AP3B1: variants seen among roughly 807,000 people sequenced by gnomAD.
The protein encoded by AP3B1 is adaptor related protein complex 3 subunit beta 1, also known as AP-3 complex subunit beta-1.
A neutral mutation model predicts 132.5 loss-of-function variants in AP3B1; 61 were observed. That is an observed-to-expected ratio of 0.46 (90% CI 0.37 to 0.57). The LOEUF is 0.57. Among genes scored for constraint, AP3B1 ranks in the 20% least tolerant of loss-of-function variants. AP3B1 has a pLI of 0.00. For synonymous variants in AP3B1, 388 were observed against 438.3 expected, an observed-to-expected ratio of 0.89 and a Z score of 1.43; for missense variants, 1,120 against 1,289.4, an observed-to-expected ratio of 0.87 and a Z score of 2.01.
chr5:78,098,713 T>C (rs1047054700), intron 21 of AP3B1, among the ~76,000 whole-genome samples: 1 of 152,196 alleles, frequency 6.6e-6, no homozygotes, highest in African/African-American at 2.4e-5. Context: ...TGCCCTTATA[T>C]GTTTTATTAA....
At chr5:78,021,018 C>A (rs1580247755) in intron 24 of AP3B1, among the ~76,000 whole-genome samples, 1 of 151,970 alleles carries the variant, frequency 6.6e-6, no homozygotes, top group East Asian at 1.9e-4. Flanking sequence ...CAAAACTACA[C>A]AGGTATAGTA....
chr5:78,212,920 C>G (rs1298131352), intron 7 of AP3B1, among the ~76,000 whole-genome samples: 1 of 152,118 alleles, frequency 6.6e-6, no homozygotes, highest in Non-Finnish European at 1.5e-5. Flanking sequence ...TTGAGACACC[C>G]AGGCTGGAGT....
chr5:78,274,838 A>C (rs894345401), intron 1 of AP3B1, among the ~76,000 whole-genome samples: 2 of 152,104 alleles, frequency 1.3e-5, no homozygotes, highest in African/African-American at 4.8e-5. Context: ...AGGCAAGAGG[A>C]TTGTTTGAGC....
chr5:78,140,753 C>A (rs1753111811), intron 15 of AP3B1, among the ~76,000 whole-genome samples: 1 of 152,162 alleles, frequency 6.6e-6, no homozygotes, highest in Non-Finnish European at 1.5e-5. Context: ...CCCAGAAACA[C>A]CAAGCTGTTT....
At chr5:78,003,859 C>T (rs188256514) in intron 26 of AP3B1, among the ~76,000 whole-genome samples, 6 of 152,290 alleles carry the variant, frequency 3.9e-5, no homozygotes, top group East Asian at 1.9e-4. Flanking sequence ...GCAGGCATAA[C>T]GAACTTCTGT....
At chr5:78,016,304 C>T (rs2112055965) in intron 25 of AP3B1, among the ~76,000 whole-genome samples, 1 of 152,070 alleles carries the variant, frequency 6.6e-6, no homozygotes, top group Non-Finnish European at 1.5e-5. Flanking sequence ...AGAGTTAATG[C>T]AAGACATGCC....
intron 6 of AP3B1, among the ~76,000 whole-genome samples, chr5:78,222,805 TAA>T (rs987551360): frequency 6.6e-6 from 1 of 150,698 alleles, no homozygotes; most frequent in African/African-American, 2.4e-5. Context: ...TACCATACAT[TAA>T]AAAAAAGATT....
At chr5:78,222,503 A>C (rs1746222025) in intron 6 of AP3B1, 1 of 152,214 alleles carries the variant, frequency 6.6e-6, no homozygotes, top group Admixed American at 6.5e-5. Flanking sequence ...TGGTTAGAAC[A>C]ATGAACACTA....
At chr5:78,077,879 T>G (rs140744444) in intron 22 of AP3B1, among the ~76,000 whole-genome samples, 1 of 152,222 alleles carries the variant, frequency 6.6e-6, no homozygotes. Flanking sequence ...AACACGCTGC[T>G]CTATGACTCA....
chr5:78,243,819 G>C (rs536553682), intron 2 of AP3B1, among the ~76,000 whole-genome samples: 2 of 152,100 alleles, frequency 1.3e-5, no homozygotes, highest in Non-Finnish European at 2.9e-5. Flanking sequence ...TGAGAGATAA[G>C]GTCAGAAATG....
intron 1 of AP3B1, among the ~76,000 whole-genome samples, chr5:78,279,439 T>C (rs143603544): frequency 1.8e-3 from 280 of 152,280 alleles, no homozygotes; most frequent in African/African-American, 6.2e-3. Context: ...AAAGGTAACA[T>C]AAGATTACAT....
chr5:78,097,616 GC>G (rs1436037597), intron 21 of AP3B1, among the ~76,000 whole-genome samples: 2 of 137,822 alleles, frequency 1.5e-5, no homozygotes, highest in Non-Finnish European at 3.2e-5. Context: ...GGGGGGGTCA[GC>G]CCCCTGCCCG....
chr5:78,177,596 C>G (rs1234452171), intron 8 of AP3B1, among the ~76,000 whole-genome samples, 160 bp from the exon 9 acceptor site: 2 of 152,162 alleles, frequency 1.3e-5, no homozygotes, highest in Admixed American at 1.3e-4. Context: ...GTCCCCCACT[C>G]CCAGTGCCCA....
chr5:78,270,258 T>C (rs1748495026), intron 1 of AP3B1, among the ~76,000 whole-genome samples: 1 of 152,122 alleles, frequency 6.6e-6, no homozygotes. Flanking sequence ...TTTGTAGAAG[T>C]ATCCATCAAT....
chr5:78,237,588 AC>A (rs1746932362), intron 3 of AP3B1, among the ~76,000 whole-genome samples: 1 of 152,182 alleles, frequency 6.6e-6, no homozygotes, highest in Non-Finnish European at 1.5e-5. Context: ...TGGGCAGATT[AC>A]TTGAGCTCAG....
chr5:78,196,199 T>A (rs921261889), intron 7 of AP3B1, among the ~76,000 whole-genome samples: 48 of 152,120 alleles, frequency 3.2e-4, no homozygotes, highest in Non-Finnish European at 3.1e-4. Flanking sequence ...CCCAATTTTT[T>A]AAAAATGGGC....
At chr5:78,227,017 C>G (rs1309031984) in intron 5 of AP3B1, among the ~76,000 whole-genome samples, 1 of 151,670 alleles carries the variant, frequency 6.6e-6, no homozygotes, top group Non-Finnish European at 1.5e-5. Flanking sequence ...TAAGATTCTA[C>G]CCTAAACAGG....
chr5:78,119,840 C>T (rs190788185), intron 17 of AP3B1, among the ~76,000 whole-genome samples: 13 of 152,104 alleles, frequency 8.5e-5, no homozygotes, highest in African/African-American at 1.4e-4. Context: ...ATACAGAGAA[C>T]GCCACAAAGA....
At chr5:78,285,104 C>G (rs1351315776) in intron 1 of AP3B1, among the ~76,000 whole-genome samples, 2 of 151,644 alleles carry the variant, frequency 1.3e-5, no homozygotes, top group Non-Finnish European at 2.9e-5. Flanking sequence ...AAAAAATTAG[C>G]TGGGCGTGGT....
Sources: allele counts gnomAD v4.1 joint callset (sites outside exome capture counted in the v4.1 genomes callset), GRCh38; gene constraint gnomAD v4.1.1; transcripts MANE v1.5; gene names NCBI Gene and HGNC (gene_info 2026-07-23, HGNC 2026-07-21).